The following DOCK4 variants were observed in gnomAD, a reference collection of about 807,000 sequenced individuals.
The protein encoded by DOCK4 is dedicator of cytokinesis protein 4.
Under a neutral mutation model 268.1 loss-of-function variants are expected in DOCK4, and 97 were observed. The ratio of observed to expected loss-of-function variants is 0.36; its 90% CI spans 0.31 to 0.43. The LOEUF (loss-of-function observed/expected upper bound fraction) is 0.43. Among genes scored for constraint, DOCK4 ranks in the 20% least tolerant of loss-of-function variants. The probability of loss-of-function intolerance (pLI) is 1.00; values close to 1 mark genes in which losing one functional copy is unlikely to be tolerated. For synonymous variants in DOCK4, 954 were observed against 887.2 expected (o/e 1.08, Z -1.34); for missense variants, 2,145 against 2,455.7 (o/e 0.87, Z 2.67).
intron 1 of DOCK4, among the ~76,000 whole-genome samples, chr7:112,190,600 T>C (rs539902304): frequency 1.1e-4 from 16 of 152,084 alleles, no homozygotes; most frequent in African/African-American, 1.9e-4. Context: ...CGGGATGAGA[T>C]TGCAGACAGG....
At chr7:112,156,170 A>G (rs1022798327) in intron 1 of DOCK4, among the ~76,000 whole-genome samples, 5 of 152,104 alleles carry the variant, frequency 3.3e-5, no homozygotes, top group African/African-American at 7.2e-5. Context: ...CTTCATCTCT[A>G]TAATGGGAAT....
chr7:111,828,756 T>C (rs1238407078), intron 26 of DOCK4, among the ~76,000 whole-genome samples: 1 of 151,990 alleles, frequency 6.6e-6, no homozygotes, highest in Admixed American at 6.6e-5. Flanking sequence ...GATTAAATTA[T>C]GTAGCATCCA....
intron 22 of DOCK4, among the ~76,000 whole-genome samples, chr7:111,866,346 C>T (rs950232584): frequency 6.6e-6 from 1 of 152,206 alleles, no homozygotes; most frequent in African/African-American, 2.4e-5. Context: ...TCAAAAGAAA[C>T]ATCAATTATC....
Position 112,017,226 on chromosome 7 carries a change from T to C in DOCK4, c.38-13095A>G, listed in dbSNP as rs374306999. 6.6e-5 allele frequency among the ~76,000 whole-genome samples: 10 copies of C among 152,322 alleles called. No individual in the cohort carries two copies. The East Asian group carries it at 1.9e-3, about 29-fold the overall frequency. On this transcript the variant is annotated intron_variant, in intron 1 of 52. Coordinates refer to ENST00000428084, the MANE Select transcript of DOCK4 (RefSeq NM_001363540.2). ...TTAATTCTGTGGCATACTGTATGTA[T>C]GGCTTAACTGATTTTAACTATTAAA...
At chr7:112,076,510 G>T (rs574724382) in intron 1 of DOCK4, among the ~76,000 whole-genome samples, 413 of 152,064 alleles carry the variant, frequency 2.7e-3, no homozygotes, top group Non-Finnish European at 3.9e-3. Context: ...TGGCTTTTTT[G>T]ATTATTTATG....
chr7:111,755,452 C>T (rs767362615), intron 42 of DOCK4, 63 bp downstream of exon 42: 51 of 1,492,462 alleles, frequency 3.4e-5, no homozygotes, highest in Admixed American at 5.1e-5. Flanking sequence ...AATGAATATA[C>T]GGCACAACTC....
chr7:111,926,436 G>A (rs868209504), intron 12 of DOCK4, among the ~76,000 whole-genome samples: 21 of 101,822 alleles, frequency 2.1e-4, no homozygotes, highest in Middle Eastern at 6.1e-3. Context: ...AAAAAAGAAA[G>A]ACAGAGAGAG....
intron 1 of DOCK4, among the ~76,000 whole-genome samples, chr7:112,090,985 C>A (rs1036778745): frequency 6.6e-6 from 1 of 152,114 alleles, no homozygotes; most frequent in African/African-American, 2.4e-5. Context: ...AACACCTTAA[C>A]CCTCAGGCAC....
intron 1 of DOCK4, among the ~76,000 whole-genome samples, chr7:112,010,078 A>C (rs977500737): frequency 7.2e-5 from 11 of 152,164 alleles, no homozygotes; most frequent in Non-Finnish European, 1.0e-4. Flanking sequence ...TGGCCTCCCA[A>C]AGTGCTGGGA....
intron 1 of DOCK4, among the ~76,000 whole-genome samples, chr7:112,040,592 G>C (rs1443488577): frequency 6.6e-6 from 1 of 152,154 alleles, no homozygotes; most frequent in South Asian, 2.1e-4. Flanking sequence ...ATAGGTAGAT[G>C]ATGAGCCACG....
intron 1 of DOCK4, among the ~76,000 whole-genome samples, chr7:112,201,640 C>T (rs1305390833): frequency 6.7e-6 from 1 of 148,400 alleles, no homozygotes; most frequent in Non-Finnish European, 1.5e-5. Context: ...ATTCCCACCA[C>T]TTTAAGGCGG....
intron 1 of DOCK4, among the ~76,000 whole-genome samples, chr7:112,121,811 G>A (rs989325043): frequency 2.6e-5 from 4 of 152,254 alleles, no homozygotes; most frequent in African/African-American, 4.8e-5. Context: ...CCCCACTCAT[G>A]CGCTGAAACT....
intron 1 of DOCK4, among the ~76,000 whole-genome samples, chr7:112,005,319 T>G (rs1004899996): frequency 2.6e-5 from 4 of 152,202 alleles, no homozygotes; most frequent in Admixed American, 6.5e-5. Context: ...TAGAGAAGTC[T>G]CATGCCCTTT....
At chr7:111,987,981 T>G (rs1303607816) in intron 6 of DOCK4, among the ~76,000 whole-genome samples, 1 of 152,220 alleles carries the variant, frequency 6.6e-6, no homozygotes, top group Non-Finnish European at 1.5e-5. Flanking sequence ...GTCTGGGTAT[T>G]CACATTCAGA....
intron 51 of DOCK4, chr7:111,732,526 T>C: frequency 1.8e-6 from 1 of 559,452 alleles, no homozygotes; most frequent in Non-Finnish European, 3.2e-6. Context: ...GCATATATGA[T>C]GCTTTGACTA....
chr7:112,193,577 C>T (rs181143393), intron 1 of DOCK4, among the ~76,000 whole-genome samples: 216 of 149,080 alleles, frequency 1.4e-3, no homozygotes, highest in African/African-American at 4.9e-3. Context: ...CCAGCCTGAG[C>T]GACAGAGCCA....
At chr7:111,950,771 C>A (rs1451836889) in intron 8 of DOCK4, among the ~76,000 whole-genome samples, 3 of 152,178 alleles carry the variant, frequency 2.0e-5, no homozygotes, top group African/African-American at 7.2e-5. Flanking sequence ...CTTCGTGGCA[C>A]CCCAGATTCC....
intron 51 of DOCK4, 44 bp downstream of exon 51, chr7:111,735,010 A>G (rs752859267): frequency 4.1e-6 from 6 of 1,461,768 alleles, no homozygotes; most frequent in Admixed American, 3.9e-5. Flanking sequence ...AGTCAATAAA[A>G]GTTATTTTAT....
At chr7:112,197,122 T>C (rs1411626996) in intron 1 of DOCK4, among the ~76,000 whole-genome samples, 1 of 152,156 alleles carries the variant, frequency 6.6e-6, no homozygotes, top group Non-Finnish European at 1.5e-5. Context: ...TGTTTGCCTC[T>C]TTCTGTGAAT....
Sources: allele counts gnomAD v4.1 joint callset (sites outside exome capture counted in the v4.1 genomes callset), GRCh38; gene constraint gnomAD v4.1.1; transcripts MANE v1.5; gene names NCBI Gene and HGNC (gene_info 2026-07-23, HGNC 2026-07-21).